TANGO2: variants seen among roughly 807,000 people sequenced by gnomAD.
The protein encoded by TANGO2 is transport and Golgi organization protein 2 homolog.
A neutral mutation model predicts 39.1 loss-of-function variants in TANGO2; 26 were observed. The ratio of observed to expected loss-of-function variants is 0.67; its 90% CI spans 0.49 to 0.92. The LOEUF (loss-of-function observed/expected upper bound fraction) is 0.92, where lower values mean the gene tolerates loss of function less well. TANGO2 is among the 40% of genes least tolerant of loss of function. The pLI is 0.00. For missense variants in TANGO2, 326 were observed against 360.1 expected, an observed-to-expected ratio of 0.91 and a Z score of 0.77; for synonymous variants, 131 against 144.5, an observed-to-expected ratio of 0.91 and a Z score of 0.67.
chr22:20,027,204 A>C (rs1216213376), intron 1 of TANGO2, among the ~76,000 whole-genome samples: 2 of 152,142 alleles, frequency 1.3e-5, no homozygotes, highest in African/African-American at 4.8e-5. Flanking sequence ...ACTGTACAGC[A>C]CCGGGGGGGA....
At chr22:20,023,163 T>TC (rs1000054830) in intron 1 of TANGO2, among the ~76,000 whole-genome samples, 82 of 152,360 alleles carry the variant, frequency 5.4e-4, no homozygotes, top group African/African-American at 1.8e-3. Context: ...GGCCTCCTTC[T>TC]CCCAGCGGCT....
At chr22:20,061,392 G>A (rs751903590) in intron 6 of TANGO2, 138 bp from the exon 7 acceptor site, 28 of 943,492 alleles carry the variant, frequency 3.0e-5, no homozygotes, top group Non-Finnish European at 4.2e-5. Context: ...AGGAGCTGGA[G>A]CATGGAGCGG....
upstream of TANGO2, among the ~76,000 whole-genome samples, chr22:20,019,561 G>A (rs1170414662): frequency 6.6e-6 from 1 of 152,240 alleles, no homozygotes; most frequent in African/African-American, 2.4e-5. Context: ...TGACAGAACA[G>A]GATGCAAACC....
At chr22:20,017,235 C>G (rs1601721366), upstream of TANGO2, 3 of 152,414 alleles carry the variant, frequency 2.0e-5, no homozygotes, top group South Asian at 6.2e-4. Context: ...CGCTGCGCGC[C>G]GCTCCCTCCT....
chr22:20,058,484 TA>T (rs1172609884), intron 6 of TANGO2: 2 of 151,820 alleles, frequency 1.3e-5, no homozygotes, highest in Non-Finnish European at 2.9e-5. Context: ...CTACTAAAAA[TA>T]CAAAAAATTA....
chr22:20,035,756 C>T (rs1350407048), intron 1 of TANGO2, among the ~76,000 whole-genome samples: 1 of 152,096 alleles, frequency 6.6e-6, no homozygotes, highest in East Asian at 1.9e-4. Flanking sequence ...CAGGGCTGCC[C>T]CCACTGGTGG....
In TANGO2 at chr22:20,057,064, C is replaced by T. The variant is rs535533450; in HGVS notation, c.451+1051C>T. 7.0e-6 allele frequency: 3 copies of T among 426,060 alleles called. No individual in the cohort carries two copies. The highest frequency in any genetic ancestry group is 1.4e-5 in the Non-Finnish European group (3 of 210,816). 26.4% of individuals were successfully genotyped at this position (426,060 alleles called of 1,614,324 possible). A position where few individuals can be genotyped will look rare whatever the true frequency, so the allele number is the denominator to read the frequency against. On this transcript the variant is annotated intron_variant, in intron 6 of 8. Transcript: ENST00000327374. The surrounding 1 kb of genome is among the most constrained non-coding windows in gnomAD (Gnocchi z 4.1). ...TTTCTTTTGCATTTGGCACAAATCACCAAGTGAGGTTGCAGGTCACAGGTG... is the reference window on the plus strand; with the variant it reads ...TTTCTTTTGCATTTGGCACAAATCATCAAGTGAGGTTGCAGGTCACAGGTG...
chr22:20,052,541 C>T lies in TANGO2; in HGVS notation c.222C>T (p.Thr74=), dbSNP rs967598381. 7 of 1,599,996 alleles carry T rather than the reference C, an allele frequency of 4.4e-6. No individual in the cohort carries two copies. Among genetic ancestry groups the T allele is most frequent in the Non-Finnish European group, 6.0e-6 (7 of 1,173,640 alleles). ...CACGTGGCAAGCTGGCAGCACTCAC[C>T]AACTACCTGCAGCCGCAGCTGGACT... ...ISTRGKLAAL[T]NYLQPQLDWQ... is the part of the protein sequence containing the mutation. Residue 74 remains threonine (T), a synonymous_variant, in exon 4 of 9, where the codon ACC becomes ACT. Coordinates refer to ENST00000327374, the MANE Select transcript of TANGO2 (RefSeq NM_152906.7).
At chr22:20,050,430 C>A (rs181874448) in intron 3 of TANGO2, among the ~76,000 whole-genome samples, 294 of 132,648 alleles carry the variant, frequency 2.2e-3, no homozygotes, top group African/African-American at 7.9e-3. Context: ...ATGGCGCCAT[C>A]TCTGCTCATT....
rs1491540119 is a variant in TANGO2, at chr22:20,050,357, G to GTTTTT, written c.146-2108_146-2107insTTTTT. Among the ~76,000 whole-genome samples, 103 of 69,192 alleles carry GTTTTT rather than the reference G, an allele frequency of 1.5e-3. 13 individuals carry two copies. Among genetic ancestry groups the GTTTTT allele is most frequent in the Middle Eastern group, 0.011 (1 of 88 alleles). The allele number at this position is 69,192 out of a possible 152,430, so 45.4% of individuals were successfully genotyped here. On this transcript the variant is annotated intron_variant, in intron 3 of 8. Coordinates refer to ENST00000327374, the MANE Select transcript of TANGO2 (RefSeq NM_152906.7). Reference sequence around the variant, plus strand: ...ATTTTTCATTAAATATTTTCCTGGTGGTTTTTTTTTTTTTTTTTTTTTTTG... The same window carrying GTTTTT: ...ATTTTTCATTAAATATTTTCCTGGTGTTTTTGTTTTTTTTTTTTTTTTTTTTTTTG...
At chr22:20,041,912 T>C (rs2044022688) in intron 2 of TANGO2, among the ~76,000 whole-genome samples, 1 of 152,230 alleles carries the variant, frequency 6.6e-6, no homozygotes, top group African/African-American at 2.4e-5. Flanking sequence ...CAGATTGTGA[T>C]GGCAGGACAG....
At chr22:20,042,978 G>A (rs1004141333) in intron 2 of TANGO2, among the ~76,000 whole-genome samples, 2 of 152,066 alleles carry the variant, frequency 1.3e-5, no homozygotes, top group Non-Finnish European at 2.9e-5. Context: ...TGTTGTGGGT[G>A]TTCCCAGGGC....
intron 6 of TANGO2, chr22:20,058,354 C>T (rs1436336661): frequency 6.6e-6 from 1 of 152,198 alleles, no homozygotes; most frequent in Admixed American, 6.5e-5. Flanking sequence ...TCTAAAAACT[C>T]ACCAGTGGCG....
chr22:20,046,791 T>C (rs74752779), intron 3 of TANGO2, among the ~76,000 whole-genome samples: 8,504 of 152,180 alleles, frequency 0.056, 359 homozygotes, highest in African/African-American at 0.096. Flanking sequence ...AACGCTATCC[T>C]TCCCCCAGCC....
intron 1 of TANGO2, among the ~76,000 whole-genome samples, chr22:20,036,168 A>G (rs1038734633): frequency 6.6e-6 from 1 of 152,184 alleles, no homozygotes; most frequent in African/African-American, 2.4e-5. Context: ...CAAGCCCCCA[A>G]AAAAACACCT....
intron 1 of TANGO2, among the ~76,000 whole-genome samples, chr22:20,035,000 A>T (rs1449158165): frequency 2.6e-5 from 4 of 152,198 alleles, no homozygotes; most frequent in Non-Finnish European, 5.9e-5. Context: ...CCACCCTCGG[A>T]TGATGGCCCC....
intron 5 of TANGO2, 86 bp downstream of exon 5, chr22:20,053,637 G>A: frequency 1.1e-6 from 1 of 881,012 alleles, no homozygotes; most frequent in Non-Finnish European, 1.9e-6. Flanking sequence ...GGGTTCCACT[G>A]GGGGCTGTGG....
chr22:20,028,332 C>T (rs1280557171), intron 1 of TANGO2, among the ~76,000 whole-genome samples: 1 of 152,218 alleles, frequency 6.6e-6, no homozygotes, highest in African/African-American at 2.4e-5. Flanking sequence ...ACAGGCTGGA[C>T]TTAAACTCCT....
chr22:20,053,571 A>T lies in TANGO2; in HGVS notation c.380+20A>T. ...CCTGAGGTGGGTCTGCCAGAGGGGG[A>T]TGGCGGCTCTGCCCAGCACTGCCTC... is the stretch of plus-strand genomic sequence containing the variant. On this transcript the variant is annotated intron_variant, in intron 5 of 8. Transcript: ENST00000327374. 1 of 1,515,038 alleles carries T rather than the reference A, an allele frequency of 6.6e-7. No individual in the cohort carries two copies. Among genetic ancestry groups the T allele is most frequent in the Non-Finnish European group, 9.2e-7 (1 of 1,090,552 alleles). The allele number at this position is 1,515,038 out of a possible 1,614,324, so 93.8% of individuals were successfully genotyped here. A position where few individuals can be genotyped will look rare whatever the true frequency, so the allele number is the denominator to read the frequency against.
Sources: allele counts gnomAD v4.1 joint callset (sites outside exome capture counted in the v4.1 genomes callset), GRCh38; gene constraint gnomAD v4.1.1; non-coding constraint Gnocchi (gnomAD v3.1); transcripts MANE v1.5; gene names NCBI Gene and HGNC (gene_info 2026-07-23, HGNC 2026-07-21).